Variants in POU6F1 observed in about 807,000 individuals in gnomAD.
The protein encoded by POU6F1 is POU domain, class 6, transcription factor 1.
In POU6F1, 9 loss-of-function variants were observed where a neutral mutation model predicts 28.9. That is an observed-to-expected ratio of 0.31 (90% CI 0.19 to 0.54). POU6F1 has a LOEUF of 0.54. POU6F1 is among the 20% of genes least tolerant of loss of function. The pLI is 0.94. For missense variants in POU6F1, 338 were observed against 426.1 expected (o/e 0.79, Z 1.82); for synonymous variants, 173 against 171.1 (o/e 1.01, Z -0.09).
chr12:51,198,887 G>A (rs910657401), intron 4 of POU6F1, 112 bp from the exon 5 acceptor site: 3 of 397,214 alleles, frequency 7.6e-6, no homozygotes, highest in Non-Finnish European at 8.9e-6. Flanking sequence ...GCATTCTGAG[G>A]GCGATGGGCC....
At chr12:51,193,747 A>C (rs1029828746) in intron 8 of POU6F1, among the ~76,000 whole-genome samples, 1 of 152,348 alleles carries the variant, frequency 6.6e-6, no homozygotes, top group East Asian at 1.9e-4. Context: ...TTTACATTAC[A>C]CAAAATATTA....
At chr12:51,194,700 T>A (rs1942695127) in intron 8 of POU6F1, among the ~76,000 whole-genome samples, 1 of 150,626 alleles carries the variant, frequency 6.6e-6, no homozygotes, top group African/African-American at 2.4e-5. Context: ...CCCTTCAGCA[T>A]CAGCAGTTCC....
Position 51,195,887 on chromosome 12 carries a change from G to C in POU6F1, c.1179+83C>G. 8 of 1,419,128 alleles carry C rather than the reference G, an allele frequency of 5.6e-6. No homozygotes were observed. The East Asian group carries it at 7.6e-5, about 14-fold the overall frequency. The allele number at this position is 1,419,128 out of a possible 1,614,324, so 87.9% of individuals were successfully genotyped here. A position where few individuals can be genotyped will look rare whatever the true frequency, so the allele number is the denominator to read the frequency against. ...ACTCCCAGGAGTTTCAGAAGATGCTGTCCTGCCTGGCAGTCTGGAGGGAAG... is the reference window on the plus strand; with the variant it reads ...ACTCCCAGGAGTTTCAGAAGATGCTCTCCTGCCTGGCAGTCTGGAGGGAAG... On this transcript the variant is annotated intron_variant, in intron 8 of 10. Coordinates refer to ENST00000333640, the MANE Select transcript of POU6F1 (RefSeq NM_001330422.2).
At chr12:51,213,522 T>C (rs541123471) in intron 1 of POU6F1, among the ~76,000 whole-genome samples, 201 of 152,076 alleles carry the variant, frequency 1.3e-3, no homozygotes, top group African/African-American at 4.2e-3. Context: ...CCCATTTCTA[T>C]GGTTTATTTT....
chr12:51,189,536 C>T lies in POU6F1; in HGVS notation c.*711G>A, dbSNP rs1942256521. 6.6e-6 allele frequency: 1 copy of T among 152,286 alleles called. No homozygotes were observed. The highest frequency in any genetic ancestry group is 1.5e-5 in the Non-Finnish European group (1 of 68,154). The allele number at this position is 152,286 out of a possible 1,614,324, so 9.4% of individuals were successfully genotyped here. A position where few individuals can be genotyped will look rare whatever the true frequency, so the allele number is the denominator to read the frequency against. On this transcript the variant is annotated 3_prime_UTR_variant, in exon 11 of 11. Coordinates refer to ENST00000333640, the MANE Select transcript of POU6F1 (RefSeq NM_001330422.2). ...GGTAGAGTTCACTGTTGCTTCCTTC[C>T]AACATGGATTAAGAAAAGGTTCTGT...
At chr12:51,195,917 C>T (rs1013223578) in intron 8 of POU6F1, 53 bp downstream of exon 8, 6 of 1,495,300 alleles carry the variant, frequency 4.0e-6, no homozygotes, top group African/African-American at 2.8e-5. Context: ...GGGAAGCAGC[C>T]GGTGCCAGAT....
intron 8 of POU6F1, 130 bp from the exon 9 acceptor site, chr12:51,192,601 G>T: frequency 1.6e-6 from 2 of 1,226,434 alleles, no homozygotes. Context: ...TCCCGCCTGG[G>T]CTCTATCATA....
intron 1 of POU6F1, among the ~76,000 whole-genome samples, chr12:51,210,347 C>T (rs924750011): frequency 1.3e-5 from 2 of 152,160 alleles, no homozygotes; most frequent in African/African-American, 4.8e-5. Context: ...ATGAAAGCTG[C>T]ACAAGGTGAA....
chr12:51,195,279 G>T (rs935987710), intron 8 of POU6F1, among the ~76,000 whole-genome samples: 27 of 152,088 alleles, frequency 1.8e-4, no homozygotes, highest in African/African-American at 4.8e-4. Context: ...GACTACAGGT[G>T]AGCACCACTA....
At position 51,190,428 on chromosome 12, in the gene POU6F1, G is replaced by C. The variant is rs1162558008; in HGVS notation, c.1655C>G (p.Thr552Ser). 3.1e-6 allele frequency: 5 copies of C among 1,614,032 alleles called. No individual in the cohort carries two copies. The highest frequency in any genetic ancestry group is 4.2e-6 in the Non-Finnish European group (5 of 1,180,030). The change falls in exon 11 of 11, where the codon ACC becomes AGC. Residue 552 changes from threonine to serine, a missense_variant. By Grantham distance (58) the Thr-to-Ser change is moderately conservative. Transcript: ENST00000333640. This position sits in a 1 kb window ranked among gnomAD's most constrained non-coding sequence, Gnocchi z 4.5. ...SKKRKRRTSF[T>S]PQAIEALNAY... ...ATTGAGAGCCTCTATGGCCTGGGGG[G>C]TGAAGGAGGTGCGGCGTTTGCGTTT...
At chr12:51,191,512 G>T (rs1025126666) in intron 10 of POU6F1, 84 bp downstream of exon 10, 4 of 1,483,796 alleles carry the variant, frequency 2.7e-6, no homozygotes, top group Non-Finnish European at 3.6e-6. Context: ...ATGGAAAAGG[G>T]GCCGGTGCTC....
At chr12:51,203,616 C>A (rs763136309) in intron 3 of POU6F1, among the ~76,000 whole-genome samples, 1 of 152,166 alleles carries the variant, frequency 6.6e-6, no homozygotes, top group South Asian at 2.1e-4. Context: ...TGTTGCTTTT[C>A]GGAAGTTTGC....
At chr12:51,209,764 C>T (rs1159109516) in intron 1 of POU6F1, among the ~76,000 whole-genome samples, 1 of 152,158 alleles carries the variant, frequency 6.6e-6, no homozygotes, top group Non-Finnish European at 1.5e-5. Context: ...CTTCCTTAAC[C>T]CCTCTAGAGT....
rs751034499 is a variant in POU6F1, at chr12:51,190,435, A to T, written c.1648T>A (p.Ser550Thr). ...GCCTCTATGGCCTGGGGGGTGAAGG[A>T]GGTGCGGCGTTTGCGTTTCTTGGAG... The part of the protein sequence containing the change: ...EPSKKRKRRT[S>T]FTPQAIEALN... Residue 550 changes from serine (S) to threonine (T), a missense_variant, in exon 11 of 11, where the codon TCC becomes ACC. Ser to Thr is a moderately conservative substitution (Grantham distance 58). Coordinates refer to ENST00000333640, the MANE Select transcript of POU6F1 (RefSeq NM_001330422.2). The surrounding 1 kb of genome is among the most constrained non-coding windows in gnomAD (Gnocchi z 4.5). The T allele has an allele frequency of 6.2e-7, 1 of 1,613,930 alleles. No homozygotes were observed.
intron 3 of POU6F1, among the ~76,000 whole-genome samples, chr12:51,200,121 A>G (rs1943112979): frequency 6.6e-6 from 1 of 152,150 alleles, no homozygotes; most frequent in Non-Finnish European, 1.5e-5. Flanking sequence ...ACCCCTTCTC[A>G]CATCTAGCTG....
At chr12:51,215,916 C>T (rs528339185) in intron 1 of POU6F1, among the ~76,000 whole-genome samples, 1 of 152,284 alleles carries the variant, frequency 6.6e-6, no homozygotes, top group African/African-American at 2.4e-5. Context: ...AAAACAGGGC[C>T]TAGCATGAAG....
At chr12:51,200,743 A>G (rs1389727588) in intron 3 of POU6F1, among the ~76,000 whole-genome samples, 1 of 152,084 alleles carries the variant, frequency 6.6e-6, no homozygotes, top group Non-Finnish European at 1.5e-5. Context: ...GCTGGAGTGC[A>G]GTGGTGTGAC....
intron 2 of POU6F1, 37 bp downstream of exon 2, chr12:51,206,752 T>C (rs1943655123): frequency 2.5e-6 from 1 of 398,188 alleles, no homozygotes. Context: ...CCTCACTCCA[T>C]CACCCTTACC....
In POU6F1 at chr12:51,217,490, C is replaced by T. The variant is rs1944348853; in HGVS notation, c.-48+152G>A. Among the ~76,000 whole-genome samples, 1 of 151,864 alleles carries T rather than the reference C, an allele frequency of 6.6e-6. No homozygotes were observed. ...CCGCCGCCCCGGCCCAGCATCCCGC[C>T]GCCCCGGCCCCGCGGCTTTTTTTCT... On this transcript the variant is annotated intron_variant, in intron 1 of 10. Coordinates refer to ENST00000333640, the MANE Select transcript of POU6F1 (RefSeq NM_001330422.2). This position sits in a 1 kb window ranked among gnomAD's most constrained non-coding sequence, Gnocchi z 5.3.
Sources: allele counts gnomAD v4.1 joint callset (sites outside exome capture counted in the v4.1 genomes callset), GRCh38; gene constraint gnomAD v4.1.1; non-coding constraint Gnocchi (gnomAD v3.1); transcripts MANE v1.5; gene names NCBI Gene and HGNC (gene_info 2026-07-23, HGNC 2026-07-21).